The following EYS variants were observed in gnomAD, a reference collection of about 807,000 sequenced individuals.
EYS encodes the protein EGF-like photoreceptor maintenance factor.
EYS carries 250 observed loss-of-function variants against 282.1 expected under a neutral mutation model. The observed-to-expected ratio is 0.89, with a 90% CI of 0.80 to 0.98. EYS has a LOEUF of 0.98. EYS is among the 50% of genes least tolerant of loss of function. The probability of loss-of-function intolerance (pLI) is 0.00; values close to 1 mark genes in which losing one functional copy is unlikely to be tolerated. For missense variants in EYS, 4,016 were observed against 3,709.0 expected, an observed-to-expected ratio of 1.08 and a Z score of -2.15; for synonymous variants, 1,355 against 1,282.9, an observed-to-expected ratio of 1.06 and a Z score of -1.20.
intron 16 of EYS, among the ~76,000 whole-genome samples, chr6:64,911,631 T>A (rs10806494): frequency 0.67 from 102,354 of 151,948 alleles, 34,658 homozygotes; most frequent in African/African-American, 0.74. Flanking sequence ...CCACAGTGAG[T>A]ATTAGAAAAT....
chr6:64,172,147 T>G (rs1254667223), intron 31 of EYS, among the ~76,000 whole-genome samples: 3 of 152,076 alleles, frequency 2.0e-5, no homozygotes, highest in Non-Finnish European at 4.4e-5. Context: ...ATGTAGAGAG[T>G]TGATATCACC....
chr6:64,066,366 T>C lies in EYS; in HGVS notation c.6697A>G (p.Thr2233Ala). ...LTVSANYSINTNAFTPITIRY... is the reference protein window; with the variant it reads ...LTVSANYSINANAFTPITIRY... ...ATTGTGATAGGGGTGAATGCATTTGTGTTAATGCTGTAATTAGCAGAAACA... is the reference window on the plus strand; with the variant it reads ...ATTGTGATAGGGGTGAATGCATTTGCGTTAATGCTGTAATTAGCAGAAACA... Residue 2233 changes from threonine (T) to alanine (A), a missense_variant, in exon 33 of 43, where the codon ACA becomes GCA. Thr to Ala is a moderately conservative substitution (Grantham distance 58). Coordinates refer to ENST00000503581, the MANE Select transcript of EYS (RefSeq NM_001142800.2). 6.4e-7 allele frequency: 1 copy of C among 1,551,778 alleles called. No homozygotes were observed. Among genetic ancestry groups the C allele is most frequent in the South Asian group, 1.2e-5 (1 of 84,016 alleles).
chr6:65,413,211 T>C (rs1334153024), intron 5 of EYS, among the ~76,000 whole-genome samples: 1 of 152,112 alleles, frequency 6.6e-6, no homozygotes, highest in East Asian at 1.9e-4. Flanking sequence ...ATATTCTTCA[T>C]CACAGCTATG....
intron 32 of EYS, among the ~76,000 whole-genome samples, chr6:64,069,150 A>G (rs915822969): frequency 2.2e-4 from 34 of 152,166 alleles, no homozygotes; most frequent in African/African-American, 7.5e-4. Context: ...GCTTGACTTT[A>G]GCCCCATAAG....
chr6:63,779,265 T>A (rs900167253), intron 39 of EYS: 1 of 151,984 alleles, frequency 6.6e-6, no homozygotes, highest in Non-Finnish European at 1.5e-5. Context: ...GAGACCATCC[T>A]GGCTAACATG....
chr6:64,838,227 C>A (rs1234168178), intron 19 of EYS, among the ~76,000 whole-genome samples: 1 of 151,742 alleles, frequency 6.6e-6, no homozygotes, highest in Admixed American at 6.6e-5. Flanking sequence ...AATCTGTTCC[C>A]CTTTCTCATC....
chr6:64,675,207 T>C (rs183647135), intron 22 of EYS, among the ~76,000 whole-genome samples: 204 of 152,196 alleles, frequency 1.3e-3, no homozygotes, highest in African/African-American at 4.5e-3. Flanking sequence ...ATTCAAAATG[T>C]CTTAGGCTTT....
chr6:65,615,474 G>A (rs1766157264), intron 2 of EYS, among the ~76,000 whole-genome samples: 2 of 150,258 alleles, frequency 1.3e-5, no homozygotes, highest in South Asian at 4.2e-4. Context: ...TAGACACAAA[G>A]CTAAATGATG....
intron 19 of EYS, among the ~76,000 whole-genome samples, chr6:64,835,601 A>AG (rs1407318255): frequency 6.6e-6 from 1 of 151,700 alleles, no homozygotes; most frequent in Non-Finnish European, 1.5e-5. Flanking sequence ...CACCAGACTT[A>AG]GGTACCAGTT....
intron 30 of EYS, among the ~76,000 whole-genome samples, chr6:64,244,836 T>A (rs939349342): frequency 6.6e-5 from 10 of 152,324 alleles, no homozygotes; most frequent in Non-Finnish European, 1.2e-4. Flanking sequence ...TATCTTTTTT[T>A]AAAAATTATA....
intron 1 of EYS, among the ~76,000 whole-genome samples, chr6:65,663,002 G>A (rs1768058041): frequency 6.6e-6 from 1 of 152,136 alleles, no homozygotes; most frequent in African/African-American, 2.4e-5. Context: ...TTTAGAGGGA[G>A]CGCCCCTAAA....
intron 12 of EYS, among the ~76,000 whole-genome samples, chr6:65,278,275 T>C (rs1768111522): frequency 2.1e-5 from 1 of 46,728 alleles, no homozygotes; most frequent in African/African-American, 4.3e-5. Flanking sequence ...TCTTTCCATA[T>C]ATATTCTATA....
intron 19 of EYS, among the ~76,000 whole-genome samples, chr6:64,883,220 T>C (rs1766976792): frequency 6.6e-6 from 1 of 151,526 alleles, no homozygotes; most frequent in African/African-American, 2.4e-5. Flanking sequence ...ACAGCTTAGT[T>C]ATCTCAAGCA....
chr6:64,665,627 A>G (rs1320467022), intron 22 of EYS, among the ~76,000 whole-genome samples: 1 of 152,178 alleles, frequency 6.6e-6, no homozygotes, highest in Admixed American at 6.5e-5. Flanking sequence ...TTTAAAACAA[A>G]TTTAGAAATT....
intron 26 of EYS, among the ~76,000 whole-genome samples, chr6:64,583,820 A>T (rs1766148448): frequency 6.6e-6 from 1 of 151,944 alleles, no homozygotes; most frequent in Admixed American, 6.6e-5. Context: ...GATTAATTCC[A>T]CTCAATTTTT....
chr6:64,038,369 C>A (rs1770223062), intron 33 of EYS, among the ~76,000 whole-genome samples: 1 of 151,986 alleles, frequency 6.6e-6, no homozygotes, highest in African/African-American at 2.4e-5. Context: ...TGTTAATTAG[C>A]TATATTTTAA....
chr6:63,939,040 T>A (rs1038973986), intron 35 of EYS, among the ~76,000 whole-genome samples: 1 of 151,840 alleles, frequency 6.6e-6, no homozygotes, highest in Non-Finnish European at 1.5e-5. Flanking sequence ...AGCTCTGAGA[T>A]CAGAACAATA....
chr6:63,823,913 T>G (rs1239528856), intron 36 of EYS, among the ~76,000 whole-genome samples: 2 of 152,222 alleles, frequency 1.3e-5, no homozygotes, highest in African/African-American at 4.8e-5. Context: ...TCTTCTGGAT[T>G]CACTTTCCTC....
Position 65,004,236 on chromosome 6 carries a change from T to G in EYS, c.2138-6533A>C, listed in dbSNP as rs571252261. Among the ~76,000 whole-genome samples the G allele has an allele frequency of 2.1e-4, 31 of 147,780 alleles. 4 individuals carry two copies. Among genetic ancestry groups the G allele is most frequent in the Non-Finnish European group, 4.1e-4 (27 of 66,022 alleles). On this transcript the variant is annotated intron_variant, in intron 13 of 42. Transcript: ENST00000503581. Reference sequence around the variant, plus strand: ...CTGACACTAGAAAGGAAAAGTCACATTTCATTAGATTTCCTCATTCGCTGC... The same window carrying G: ...CTGACACTAGAAAGGAAAAGTCACAGTTCATTAGATTTCCTCATTCGCTGC...
Sources: gnomAD v4.1 joint callset for allele counts (sites outside exome capture counted in the v4.1 genomes callset) on GRCh38, gnomAD v4.1.1 for gene constraint, MANE v1.5 for transcripts, NCBI Gene and HGNC (gene_info 2026-07-23, HGNC 2026-07-21) for gene names.